The following PRKCE variants were observed in gnomAD, a reference collection of about 807,000 sequenced individuals.
The protein encoded by PRKCE is protein kinase C epsilon type.
In PRKCE, 16 loss-of-function variants were observed where a neutral mutation model predicts 85.4. The ratio of observed to expected loss-of-function variants is 0.19; its 90% CI spans 0.13 to 0.28. The LOEUF is 0.28. Among genes scored for constraint, PRKCE ranks in the 10% least tolerant of loss-of-function variants. PRKCE has a pLI of 1.00. For synonymous variants in PRKCE, 388 were observed against 371.5 expected (o/e 1.04, Z -0.51); for missense variants, 573 against 975.2 (o/e 0.59, Z 5.49).
chr2:45,944,771 G>A (rs972830669), intron 2 of PRKCE, among the ~76,000 whole-genome samples: 31 of 148,274 alleles, frequency 2.1e-4, no homozygotes, highest in Non-Finnish European at 8.9e-5. Context: ...CAAAGTGCTG[G>A]GATTACAGGC....
At chr2:45,933,451 C>G (rs1263921538) in intron 2 of PRKCE, among the ~76,000 whole-genome samples, 1 of 146,954 alleles carries the variant, frequency 6.8e-6, no homozygotes, top group African/African-American at 2.5e-5. Context: ...TTACCTTTCA[C>G]CTCATATGCC....
intron 1 of PRKCE, among the ~76,000 whole-genome samples, chr2:45,769,914 C>T (rs61316275): frequency 2.4e-4 from 36 of 152,334 alleles, no homozygotes; most frequent in African/African-American, 8.2e-4. Flanking sequence ...ATGTACACGG[C>T]GCCAATCTCC....
chr2:45,663,955 G>A (rs1166262377), intron 1 of PRKCE, among the ~76,000 whole-genome samples: 1 of 152,158 alleles, frequency 6.6e-6, no homozygotes, highest in East Asian at 1.9e-4. Flanking sequence ...TAGAATGGAT[G>A]TTCATTCATT....
chr2:45,992,572 C>T (rs529983501), intron 6 of PRKCE, among the ~76,000 whole-genome samples: 9 of 152,350 alleles, frequency 5.9e-5, no homozygotes, highest in Admixed American at 2.0e-4. Context: ...CTTGGCATGA[C>T]TGGAACCTGT....
intron 1 of PRKCE, among the ~76,000 whole-genome samples, chr2:45,664,611 C>T (rs1675827244): frequency 6.6e-6 from 1 of 152,154 alleles, no homozygotes; most frequent in Non-Finnish European, 1.5e-5. Flanking sequence ...TACAATTTCA[C>T]ACTTGGTTCT....
chr2:45,824,933 C>T (rs1484721913), intron 1 of PRKCE, among the ~76,000 whole-genome samples: 1 of 152,136 alleles, frequency 6.6e-6, no homozygotes, highest in East Asian at 1.9e-4. Flanking sequence ...AAGAAAGCTG[C>T]AGTCAGGGCA....
intron 11 of PRKCE, among the ~76,000 whole-genome samples, chr2:46,118,778 A>T (rs1247881000): frequency 6.6e-6 from 1 of 152,198 alleles, no homozygotes; most frequent in East Asian, 1.9e-4. Context: ...GATGGATGGG[A>T]GTCGCTGTGG....
intron 6 of PRKCE, among the ~76,000 whole-genome samples, chr2:45,994,909 A>C (rs1574155793): frequency 6.6e-6 from 1 of 152,334 alleles, no homozygotes; most frequent in East Asian, 1.9e-4. Flanking sequence ...ACCAGCAATG[A>C]ATAAAAAGTT....
intron 11 of PRKCE, among the ~76,000 whole-genome samples, chr2:46,117,696 C>G (rs912012957): frequency 6.6e-6 from 1 of 152,186 alleles, no homozygotes; most frequent in Admixed American, 6.5e-5. Flanking sequence ...TAGTATCTAC[C>G]TCACGGGATT....
At chr2:45,654,831 T>A (rs1053790782) in intron 1 of PRKCE, among the ~76,000 whole-genome samples, 3 of 152,162 alleles carry the variant, frequency 2.0e-5, no homozygotes, top group Admixed American at 2.0e-4. Flanking sequence ...CAGGGGTGAC[T>A]GGCCCCTGGA....
intron 11 of PRKCE, among the ~76,000 whole-genome samples, chr2:46,095,301 G>C (rs4953307): frequency 0.61 from 93,110 of 151,932 alleles, 29,790 homozygotes; most frequent in Non-Finnish European, 0.72. Context: ...AGCATCGCAG[G>C]AACCAAGTGA....
chr2:45,893,428 C>T (rs922519687), intron 2 of PRKCE, among the ~76,000 whole-genome samples: 9 of 150,406 alleles, frequency 6.0e-5, no homozygotes, highest in Non-Finnish European at 1.0e-4. Context: ...AGTGCAGTGG[C>T]GCAATCTCGG....
intron 11 of PRKCE, among the ~76,000 whole-genome samples, chr2:46,108,658 A>T (rs1285315694): frequency 6.6e-6 from 1 of 152,204 alleles, no homozygotes; most frequent in Non-Finnish European, 1.5e-5. Flanking sequence ...ATCTACAAAT[A>T]AAAAAGTGTG....
chr2:45,712,650 G>T (rs1382812144), intron 1 of PRKCE, among the ~76,000 whole-genome samples: 3 of 152,188 alleles, frequency 2.0e-5, no homozygotes, highest in Admixed American at 1.3e-4. Context: ...CACCTCTGGG[G>T]CCTGGACAGG....
At chr2:45,753,619 T>G (rs1005712639) in intron 1 of PRKCE, among the ~76,000 whole-genome samples, 1 of 152,146 alleles carries the variant, frequency 6.6e-6, no homozygotes, top group African/African-American at 2.4e-5. Context: ...TGTTTGCAGA[T>G]CGGCTGCTGC....
intron 2 of PRKCE, among the ~76,000 whole-genome samples, chr2:45,900,786 G>T (rs1005598634): frequency 1.3e-5 from 2 of 152,204 alleles, no homozygotes; most frequent in Admixed American, 1.3e-4. Context: ...ATTTACCACT[G>T]TAAAAATCTT....
At chr2:45,894,745 T>C (rs1294234551) in intron 2 of PRKCE, among the ~76,000 whole-genome samples, 2 of 152,222 alleles carry the variant, frequency 1.3e-5, no homozygotes, top group Non-Finnish European at 2.9e-5. Flanking sequence ...TTGTTTGCGA[T>C]GGAGTCTCAC....
intron 1 of PRKCE, among the ~76,000 whole-genome samples, chr2:45,706,680 C>A (rs1573003711): frequency 6.6e-6 from 1 of 152,150 alleles, no homozygotes; most frequent in African/African-American, 2.4e-5. Flanking sequence ...GTATTGGCCG[C>A]CTGATAGTTT....
chr2:45,911,142 T>C (rs576940699), intron 2 of PRKCE, among the ~76,000 whole-genome samples: 4 of 152,372 alleles, frequency 2.6e-5, no homozygotes, highest in African/African-American at 9.6e-5. Context: ...CAGGAGATAC[T>C]GACCACTGGC....
Sources: gnomAD v4.1 joint callset for allele counts (sites outside exome capture counted in the v4.1 genomes callset) on GRCh38, gnomAD v4.1.1 for gene constraint, MANE v1.5 for transcripts, NCBI Gene and HGNC (gene_info 2026-07-23, HGNC 2026-07-21) for gene names.